Variants in SLC45A4 observed in about 807,000 individuals in gnomAD.
SLC45A4 encodes solute carrier family 45 member 4.
In SLC45A4, 32 loss-of-function variants were observed where a neutral mutation model predicts 63.7. The observed-to-expected ratio is 0.50, with a 90% CI of 0.38 to 0.67. The LOEUF (loss-of-function observed/expected upper bound fraction) is 0.67, where lower values mean the gene tolerates loss of function less well. SLC45A4 is among the 30% of genes least tolerant of loss of function. The pLI, the probability that SLC45A4 is intolerant of heterozygous loss-of-function variation, is 0.00. For missense variants in SLC45A4, 1,027 were observed against 1,157.7 expected (o/e 0.89, Z 1.64); for synonymous variants, 535 against 510.0 (o/e 1.05, Z -0.66).
At chr8:141,217,274 C>G (rs1826214490) in intron 5 of SLC45A4, 85 bp from the exon 6 acceptor site, 8 of 1,397,212 alleles carry the variant, frequency 5.7e-6, no homozygotes, top group Non-Finnish European at 6.0e-6. Context: ...GAACTGCTGG[C>G]CGGCTGCTCA....
intron 1 of SLC45A4, among the ~76,000 whole-genome samples, chr8:141,264,737 A>G (rs924887456): frequency 1.4e-4 from 21 of 152,206 alleles, no homozygotes; most frequent in African/African-American, 4.3e-4. Context: ...CAGTCCTTCC[A>G]TGGTCTTCCA....
chr8:141,281,434 T>G (rs906365535), intron 1 of SLC45A4, among the ~76,000 whole-genome samples: 5 of 152,222 alleles, frequency 3.3e-5, no homozygotes, highest in Non-Finnish European at 5.9e-5. Flanking sequence ...GGAGCAACAC[T>G]GCGAGTGTTG....
chr8:141,222,629 G>GCAAACAGTGTCGGCAGT (rs1320058442), intron 2 of SLC45A4, among the ~76,000 whole-genome samples: 1 of 152,224 alleles, frequency 6.6e-6, no homozygotes, highest in South Asian at 2.1e-4. Flanking sequence ...AACCAGGCGG[G>GCAAACAGTGTCGGCAGT]CAAACAGTGT....
intron 1 of SLC45A4, among the ~76,000 whole-genome samples, chr8:141,267,179 C>A (rs1829300605): frequency 6.6e-6 from 1 of 152,276 alleles, no homozygotes; most frequent in Non-Finnish European, 1.5e-5. Flanking sequence ...CTTCCACTGC[C>A]TTCCTTGGAC....
Position 141,208,504 on chromosome 8 carries a change from C to A in SLC45A4, c.*3068G>T, listed in dbSNP as rs945586843. On this transcript the variant is annotated 3_prime_UTR_variant, in exon 9 of 9. Transcript: ENST00000517878. The stretch of plus-strand genomic sequence containing the variant: ...TAACCATCTGAGGAGGGCTCAGTGG[C>A]CCTGCCTCCCCCCCGGGGACAGGAC... 3 of 152,298 alleles carry A rather than the reference C, an allele frequency of 2.0e-5. No individual in the cohort carries two copies. Among genetic ancestry groups the A allele is most frequent in the African/African-American group, 7.2e-5 (3 of 41,418 alleles). 9.4% of individuals were successfully genotyped at this position (152,298 alleles called of 1,614,324 possible).
At chr8:141,298,080 G>A (rs1019454938) in intron 1 of SLC45A4, among the ~76,000 whole-genome samples, 6 of 151,434 alleles carry the variant, frequency 4.0e-5, no homozygotes, top group Non-Finnish European at 5.9e-5. Context: ...ACCATCCCCC[G>A]TGTCCACACT....
chr8:141,255,748 A>T (rs967571498), intron 1 of SLC45A4, among the ~76,000 whole-genome samples: 8 of 151,998 alleles, frequency 5.3e-5, no homozygotes, highest in Non-Finnish European at 1.0e-4. Flanking sequence ...CAAACAAAAA[A>T]AACAAAAAGA....
intron 1 of SLC45A4, among the ~76,000 whole-genome samples, chr8:141,264,370 G>A (rs1002161073): frequency 3.3e-5 from 5 of 152,112 alleles, no homozygotes; most frequent in Non-Finnish European, 7.3e-5. Flanking sequence ...GTTTCTCAAG[G>A]CTGCAATCTG....
intron 1 of SLC45A4, among the ~76,000 whole-genome samples, chr8:141,262,202 A>G: frequency 1.3e-5 from 2 of 150,982 alleles, no homozygotes; most frequent in Admixed American, 6.6e-5. Context: ...CTTACACCTT[A>G]TACAAAAATT....
chr8:141,239,643 G>A (rs931528026), intron 2 of SLC45A4, among the ~76,000 whole-genome samples: 4 of 152,290 alleles, frequency 2.6e-5, no homozygotes, highest in African/African-American at 4.8e-5. Flanking sequence ...TCACCTGAAC[G>A]TGGTAGGAAT....
At chr8:141,251,291 C>T (rs1828454665) in intron 2 of SLC45A4, among the ~76,000 whole-genome samples, 1 of 152,080 alleles carries the variant, frequency 6.6e-6, no homozygotes. Flanking sequence ...GAAAGTGGTT[C>T]TTCAGTTCCA....
chr8:141,269,839 G>A (rs2154614906), intron 1 of SLC45A4, among the ~76,000 whole-genome samples: 1 of 152,244 alleles, frequency 6.6e-6, no homozygotes, highest in Non-Finnish European at 1.5e-5. Flanking sequence ...TGAAGAAACT[G>A]AATCAAGGAA....
At chr8:141,301,186 C>T (rs955874861) in intron 1 of SLC45A4, among the ~76,000 whole-genome samples, 4 of 152,194 alleles carry the variant, frequency 2.6e-5, no homozygotes, top group Non-Finnish European at 5.9e-5. Flanking sequence ...CAGAGATGTA[C>T]CCGGTACCAG....
intron 7 of SLC45A4, among the ~76,000 whole-genome samples, chr8:141,214,629 A>G (rs1343982930): frequency 6.6e-6 from 1 of 152,246 alleles, no homozygotes; most frequent in Non-Finnish European, 1.5e-5. Flanking sequence ...AGAATAGCCA[A>G]GACAATCTTG....
At chr8:141,279,500 T>C (rs1829855722) in intron 1 of SLC45A4, among the ~76,000 whole-genome samples, 2 of 152,264 alleles carry the variant, frequency 1.3e-5, no homozygotes, top group South Asian at 2.1e-4. Context: ...AAGTCTTTGA[T>C]GAGGGAGGCC....
chr8:141,234,648 G>C (rs934528094), intron 2 of SLC45A4, among the ~76,000 whole-genome samples: 2 of 152,198 alleles, frequency 1.3e-5, no homozygotes, highest in East Asian at 3.8e-4. Context: ...TGCCTGCCGT[G>C]GGATATTCTC....
chr8:141,257,784 C>A (rs1029806266), intron 1 of SLC45A4, among the ~76,000 whole-genome samples: 1 of 152,186 alleles, frequency 6.6e-6, no homozygotes, highest in Non-Finnish European at 1.5e-5. Context: ...CCAGGGATGC[C>A]TTTCAACTCA....
At chr8:141,265,085 C>T (rs147367584) in intron 1 of SLC45A4, among the ~76,000 whole-genome samples, 45 of 152,366 alleles carry the variant, frequency 3.0e-4, no homozygotes, top group African/African-American at 1.0e-3. Context: ...ACCAAACCAT[C>T]ACCAAAATAT....
intron 2 of SLC45A4, among the ~76,000 whole-genome samples, chr8:141,234,000 C>T (rs1046697207): frequency 7.2e-5 from 11 of 152,244 alleles, no homozygotes; most frequent in African/African-American, 2.7e-4. Flanking sequence ...GTTTCCTGAT[C>T]TGCAGAAATC....
Sources: gnomAD v4.1 joint callset for allele counts (sites outside exome capture counted in the v4.1 genomes callset) on GRCh38, gnomAD v4.1.1 for gene constraint, MANE v1.5 for transcripts, NCBI Gene and HGNC (gene_info 2026-07-23, HGNC 2026-07-21) for gene names.